The following BOP1 variants were observed in gnomAD, a reference collection of about 807,000 sequenced individuals.
BOP1 encodes BOP1 ribosomal biogenesis factor, also known as ribosome biogenesis protein BOP1.
BOP1 carries 54 observed loss-of-function variants against 82.9 expected under a neutral mutation model. The observed-to-expected ratio is 0.65, with a 90% CI of 0.52 to 0.82. The LOEUF (loss-of-function observed/expected upper bound fraction) is 0.82. Among genes scored for constraint, BOP1 ranks in the 40% least tolerant of loss-of-function variants. The probability of loss-of-function intolerance (pLI) is 0.00; values close to 1 mark genes in which losing one functional copy is unlikely to be tolerated. For missense variants in BOP1, 1,170 were observed against 1,072.0 expected (o/e 1.09, Z -1.28); for synonymous variants, 566 against 451.1 (o/e 1.25, Z -3.23).
At chr8:144,279,189 T>C (rs1588602067) in intron 2 of BOP1, among the ~76,000 whole-genome samples, 1 of 150,554 alleles carries the variant, frequency 6.6e-6, no homozygotes, top group South Asian at 2.1e-4. Flanking sequence ...AAGACCATCA[T>C]GGGTCTCAAG....
chr8:144,271,491 G>A (rs1364442770), intron 3 of BOP1, among the ~76,000 whole-genome samples: 2 of 151,810 alleles, frequency 1.3e-5, no homozygotes, highest in Non-Finnish European at 2.9e-5. Context: ...TTCAGCGTTC[G>A]CGCCGCTCCC....
intron 2 of BOP1, among the ~76,000 whole-genome samples, chr8:144,283,482 T>A (rs1814774776): frequency 6.6e-6 from 1 of 152,156 alleles, no homozygotes; most frequent in African/African-American, 2.4e-5. Flanking sequence ...TGGCTCATTT[T>A]TTAAATTTTC....
intron 2 of BOP1, among the ~76,000 whole-genome samples, chr8:144,283,987 G>A (rs1814789620): frequency 6.6e-6 from 1 of 152,178 alleles, no homozygotes; most frequent in African/African-American, 2.4e-5. Context: ...CGTGATGACG[G>A]GCGCCTGTAA....
chr8:144,277,951 A>G (rs1237779847), intron 2 of BOP1, among the ~76,000 whole-genome samples: 1 of 152,156 alleles, frequency 6.6e-6, no homozygotes, highest in Non-Finnish European at 1.5e-5. Flanking sequence ...CAAAACCCTA[A>G]CGACACAGAC....
At chr8:144,265,941 C>T in intron 3 of BOP1, 1 of 152,778 alleles carries the variant, frequency 6.5e-6, no homozygotes, top group Non-Finnish European at 1.5e-5. Flanking sequence ...GGGACATGGC[C>T]AGCTAGCAGA....
At chr8:144,274,918 G>T (rs1301773966) in intron 3 of BOP1, among the ~76,000 whole-genome samples, 1 of 152,232 alleles carries the variant, frequency 6.6e-6, no homozygotes, top group Admixed American at 6.5e-5. Flanking sequence ...CCCCTGGGAG[G>T]GGGAGGGGAG....
intron 3 of BOP1, among the ~76,000 whole-genome samples, chr8:144,267,672 C>A (rs1845408700): frequency 1.3e-5 from 2 of 152,162 alleles, no homozygotes; most frequent in Admixed American, 1.3e-4. Flanking sequence ...ACACCAGGTC[C>A]TGTAGGGCTG....
At position 144,291,252 on chromosome 8, in the gene BOP1, C is replaced by T. The variant is rs1554840172; in HGVS notation, c.99+20G>A. ...GGCCCTCTAGGGACGCGCCCCGCCG[C>T]CCCGCATCGCCACAGTCACCTCCGG... is the stretch of plus-strand genomic sequence containing the variant. On this transcript the variant is annotated intron_variant, in intron 1 of 15. Transcript: ENST00000569669. The surrounding 1 kb of genome is among the most constrained non-coding windows in gnomAD (Gnocchi z 4.1). 1 of 1,447,254 alleles carries T rather than the reference C, an allele frequency of 6.9e-7. No homozygotes were observed. The highest frequency in any genetic ancestry group is 2.6e-5 in the Admixed American group (1 of 38,058). The allele number at this position is 1,447,254 out of a possible 1,614,324, so 89.7% of individuals were successfully genotyped here. A position where few individuals can be genotyped will look rare whatever the true frequency, so the allele number is the denominator to read the frequency against.
intron 3 of BOP1, 65 bp from the exon 4 acceptor site, chr8:144,265,136 C>G: frequency 6.4e-7 from 1 of 1,563,196 alleles, no homozygotes; most frequent in South Asian, 1.2e-5. Context: ...TCGGGCCGCC[C>G]AGGGGAGCAG....
chr8:144,263,027 G>A lies in BOP1; in HGVS notation c.1720C>T (p.Pro574Ser), dbSNP rs896868551. Residue 574 changes from proline to serine, a missense_variant, in exon 13 of 16, where the codon CCG becomes TCG. Pro to Ser is a moderately conservative substitution (Grantham distance 74). Transcript: ENST00000569669. Reference protein sequence around the residue: ...HQLSRRRSQSPFRRSHGQVQR... With the variant: ...HQLSRRRSQSSFRRSHGQVQR... ...ACCTGTCCGTGGCTGCGGCGGAACG[G>A]ACTCTGGCTGCGGCGACGGCTCAGC... 2.6e-6 allele frequency: 4 copies of A among 1,566,708 alleles called. No individual in the cohort carries two copies. The highest frequency in any genetic ancestry group is 2.3e-5 in the East Asian group (1 of 43,268).
intron 2 of BOP1, among the ~76,000 whole-genome samples, chr8:144,277,397 G>A (rs1040055469): frequency 7.2e-5 from 11 of 152,350 alleles, no homozygotes; most frequent in African/African-American, 2.4e-4. Flanking sequence ...CCGTGACCCC[G>A]GCCCCAAGCC....
chr8:144,270,138 C>T (rs1036082113), intron 3 of BOP1, among the ~76,000 whole-genome samples: 1 of 152,146 alleles, frequency 6.6e-6, no homozygotes, highest in African/African-American at 2.4e-5. Context: ...GCAGGGACAT[C>T]AGGGGCTGCT....
intron 3 of BOP1, chr8:144,266,727 A>G: frequency 1.8e-6 from 2 of 1,127,746 alleles, no homozygotes; most frequent in South Asian, 2.0e-5. Flanking sequence ...CCGACGAGAA[A>G]CCCTGTCGCG....
intron 3 of BOP1, among the ~76,000 whole-genome samples, chr8:144,272,511 C>T (rs1191441663): frequency 2.6e-5 from 4 of 152,316 alleles, no homozygotes; most frequent in Non-Finnish European, 5.9e-5. Context: ...CCCGGCTCCA[C>T]TCCACAGGCT....
At chr8:144,286,906 T>C (rs985978100) in intron 2 of BOP1, among the ~76,000 whole-genome samples, 3 of 152,190 alleles carry the variant, frequency 2.0e-5, no homozygotes, top group Admixed American at 6.5e-5. Context: ...GACCTGGTGC[T>C]CCAGGGGCCA....
Position 144,264,146 on chromosome 8 carries a change from T to C in BOP1, c.979-4A>G, listed in dbSNP as rs1845303096. 7 of 1,610,828 alleles carry C rather than the reference T, an allele frequency of 4.3e-6. No individual in the cohort carries two copies. The South Asian group carries it at 6.6e-5, about 15-fold the overall frequency. On this transcript the variant is annotated splice_region_variant and splice_polypyrimidine_tract_variant and intron_variant, in intron 7 of 15. Coordinates refer to ENST00000569669, the MANE Select transcript of BOP1 (RefSeq NM_015201.5). Reference sequence around the variant, plus strand: ...CCTGCTGTTCCCACGCCAAGCGCTGTGGAGACCAAGACACAGGGGTGGGGA... The same window carrying C: ...CCTGCTGTTCCCACGCCAAGCGCTGCGGAGACCAAGACACAGGGGTGGGGA...
chr8:144,263,955 C>T, intron 8 of BOP1, 26 bp downstream of exon 8: 5 of 1,611,104 alleles, frequency 3.1e-6, no homozygotes, highest in African/African-American at 1.3e-5. Flanking sequence ...CCTGTGCCAC[C>T]CCCCTGGTGT....
intron 3 of BOP1, chr8:144,268,334 C>T (rs1393738126): frequency 9.3e-6 from 7 of 755,990 alleles, no homozygotes; most frequent in African/African-American, 5.3e-5. Context: ...CGGGACTCTG[C>T]GCTGGCCCCA....
At chr8:144,266,638 G>A in intron 3 of BOP1, 1 of 1,238,896 alleles carries the variant, frequency 8.1e-7, no homozygotes. Context: ...GCTGCGCCCG[G>A]CGCCGCCGGG....
Sources: gnomAD v4.1 joint callset for allele counts (sites outside exome capture counted in the v4.1 genomes callset) on GRCh38, gnomAD v4.1.1 for gene constraint, Gnocchi (gnomAD v3.1) non-coding constraint, MANE v1.5 for transcripts, NCBI Gene and HGNC (gene_info 2026-07-23, HGNC 2026-07-21) for gene names.